Variants in CLSTN2 observed in about 807,000 individuals in gnomAD.
CLSTN2 encodes calsyntenin 2, also known as calsyntenin-2.
A neutral mutation model predicts 101.2 loss-of-function variants in CLSTN2; 48 were observed. The observed-to-expected ratio is 0.47, with a 90% CI of 0.38 to 0.60. The LOEUF (loss-of-function observed/expected upper bound fraction) is 0.60. Ranked by LOEUF, CLSTN2 falls within the 20% of genes least tolerant of loss-of-function variation. The pLI, the probability that CLSTN2 is intolerant of heterozygous loss-of-function variation, is 0.00. For synonymous variants in CLSTN2, 481 were observed against 463.6 expected (o/e 1.04, Z -0.48); for missense variants, 1,160 against 1,238.2 (o/e 0.94, Z 0.95).
intron 2 of CLSTN2, among the ~76,000 whole-genome samples, chr3:140,391,562 G>T (rs1398600775): frequency 1.3e-5 from 2 of 151,978 alleles, no homozygotes; most frequent in Non-Finnish European, 2.9e-5. Flanking sequence ...GTTAGAACTA[G>T]TGCAATAAGA....
At chr3:140,548,482 G>A (rs1024058658) in intron 10 of CLSTN2, among the ~76,000 whole-genome samples, 1 of 152,182 alleles carries the variant, frequency 6.6e-6, no homozygotes, top group Admixed American at 6.5e-5. Context: ...CAGAACCTTG[G>A]AGACTGGCAG....
At chr3:140,008,145 G>A (rs2006996024) in intron 1 of CLSTN2, among the ~76,000 whole-genome samples, 1 of 152,206 alleles carries the variant, frequency 6.6e-6, no homozygotes, top group East Asian at 1.9e-4. Flanking sequence ...TTCAGAGTGA[G>A]TAGTGTTGGG....
At position 140,306,468 on chromosome 3, in the gene CLSTN2, A is replaced by C. The variant is rs1249820130; in HGVS notation, c.233-97161A>C. Among the ~76,000 whole-genome samples, 10 of 152,300 alleles carry C rather than the reference A, an allele frequency of 6.6e-5. No homozygotes were observed. In the East Asian group the frequency reaches 1.9e-3, roughly 29 times the overall value. Reference sequence around the variant, plus strand: ...CTACACTATGCTGTGGTCTTGGGTAAGTTATTAAAACTCTGAGGCCCAGGT... The same window carrying C: ...CTACACTATGCTGTGGTCTTGGGTACGTTATTAAAACTCTGAGGCCCAGGT... On this transcript the variant is annotated intron_variant, in intron 2 of 16. Transcript: ENST00000458420.
intron 8 of CLSTN2, among the ~76,000 whole-genome samples, chr3:140,513,583 C>CTTTTTTTTTTTTTTTTTTTTTTTT (rs55778787): frequency 8.5e-6 from 1 of 117,768 alleles, no homozygotes; most frequent in Non-Finnish European, 1.7e-5. Context: ...TTTTTTCTTT[C>CTTTTTTTTTTTTTTTTTTTTTTTT]TTTTTTTTTT....
At chr3:140,497,889 A>G (rs1934502336) in intron 8 of CLSTN2, among the ~76,000 whole-genome samples, 1 of 151,992 alleles carries the variant, frequency 6.6e-6, no homozygotes. Context: ...TTTTTCCGGG[A>G]GGGGTCATAC....
chr3:140,258,959 T>C (rs1357508342), intron 2 of CLSTN2, among the ~76,000 whole-genome samples: 1 of 152,154 alleles, frequency 6.6e-6, no homozygotes, highest in Non-Finnish European at 1.5e-5. Context: ...TATAGGTATA[T>C]AACATCATGA....
At chr3:140,506,984 C>G (rs1432240157) in intron 8 of CLSTN2, 1 of 152,008 alleles carries the variant, frequency 6.6e-6, no homozygotes, top group African/African-American at 2.4e-5. Context: ...ACATGTGTGT[C>G]TTGAATATGT....
chr3:140,088,309 G>A (rs899789798), intron 1 of CLSTN2, among the ~76,000 whole-genome samples: 8 of 152,136 alleles, frequency 5.3e-5, no homozygotes, highest in Non-Finnish European at 1.2e-4. Context: ...TCTGATAATG[G>A]CCAGACAATG....
At chr3:140,421,702 A>T (rs760249823) in intron 5 of CLSTN2, among the ~76,000 whole-genome samples, 5 of 152,196 alleles carry the variant, frequency 3.3e-5, no homozygotes, top group Non-Finnish European at 5.9e-5. Flanking sequence ...GCACACAGGC[A>T]GAGGCGGGAG....
Position 140,309,675 on chromosome 3 carries a change from A to G in CLSTN2, c.233-93954A>G, listed in dbSNP as rs564373004. On this transcript the variant is annotated intron_variant, in intron 2 of 16. Transcript: ENST00000458420. Reference sequence around the variant, plus strand: ...ATGCAGGGGCTTCAGGTCACAGCTAAAAGAACCAGACAGCCACAAGAGTCA... The same window carrying G: ...ATGCAGGGGCTTCAGGTCACAGCTAGAAGAACCAGACAGCCACAAGAGTCA... Among the ~76,000 whole-genome samples, 5 of 152,140 alleles carry G rather than the reference A, an allele frequency of 3.3e-5. No homozygotes were observed. In the East Asian group the frequency reaches 9.7e-4, roughly 30 times the overall value.
At chr3:140,156,440 A>G (rs2009955238) in intron 1 of CLSTN2, among the ~76,000 whole-genome samples, 1 of 152,250 alleles carries the variant, frequency 6.6e-6, no homozygotes, top group African/African-American at 2.4e-5. Flanking sequence ...GTATTTGCCA[A>G]TTTTTTTAAA....
At chr3:140,415,501 A>AC (rs1183822543) in intron 4 of CLSTN2, among the ~76,000 whole-genome samples, 4 of 151,234 alleles carry the variant, frequency 2.6e-5, no homozygotes, top group African/African-American at 9.7e-5. Context: ...AAAAAAAAAA[A>AC]AAAAAAAAAC....
chr3:140,217,317 A>G (rs925143076), intron 2 of CLSTN2, among the ~76,000 whole-genome samples: 1 of 152,208 alleles, frequency 6.6e-6, no homozygotes, highest in African/African-American at 2.4e-5. Flanking sequence ...TCTCCTACCA[A>G]GAAGAATTTG....
chr3:140,456,460 G>T (rs550148398), intron 6 of CLSTN2, among the ~76,000 whole-genome samples: 1 of 152,142 alleles, frequency 6.6e-6, no homozygotes. Context: ...GCCCAGTAAG[G>T]GTTCATAGGA....
intron 8 of CLSTN2, among the ~76,000 whole-genome samples, chr3:140,520,036 A>T (rs1164749834): frequency 2.0e-5 from 3 of 152,192 alleles, no homozygotes; most frequent in African/African-American, 7.2e-5. Context: ...TGCTTGCCTG[A>T]AAAGGATCTT....
At chr3:140,563,270 A>C in intron 15 of CLSTN2, 67 bp downstream of exon 15, 9 of 1,553,612 alleles carry the variant, frequency 5.8e-6, no homozygotes, top group Non-Finnish European at 7.0e-6. Flanking sequence ...TTATCTACTC[A>C]ACAGACGGTT....
Position 140,367,158 on chromosome 3 carries a change from G to T in CLSTN2, c.233-36471G>T, listed in dbSNP as rs539573769. ...GACACATAAAAAGGAGAAGAATTCA[G>T]CTACAGGGAAATGTATTTGGAACTT... On this transcript the variant is annotated intron_variant, in intron 2 of 16. Transcript: ENST00000458420. 2.4e-4 allele frequency among the ~76,000 whole-genome samples: 37 copies of T among 152,308 alleles called. 1 individual carries two copies. In the South Asian group the frequency reaches 7.7e-3, roughly 32 times the overall value.
At chr3:140,516,253 A>C (rs1168687479) in intron 8 of CLSTN2, among the ~76,000 whole-genome samples, 8 of 152,206 alleles carry the variant, frequency 5.3e-5, no homozygotes, top group Admixed American at 5.2e-4. Context: ...CCTTAAAGAC[A>C]GCAGCTACTT....
chr3:140,225,048 A>G (rs964781153), intron 2 of CLSTN2, among the ~76,000 whole-genome samples: 2 of 152,214 alleles, frequency 1.3e-5, no homozygotes, highest in Non-Finnish European at 2.9e-5. Context: ...TCCAGGTTGC[A>G]CTATGTGTGA....
Sources: gnomAD v4.1 joint callset for allele counts (sites outside exome capture counted in the v4.1 genomes callset) on GRCh38, gnomAD v4.1.1 for gene constraint, MANE v1.5 for transcripts, NCBI Gene and HGNC (gene_info 2026-07-23, HGNC 2026-07-21) for gene names.